RBFOX1: variants seen among roughly 807,000 people sequenced by gnomAD.
The protein encoded by RBFOX1 is RNA binding fox-1 homolog 1.
A neutral mutation model predicts 57.7 loss-of-function variants in RBFOX1; 8 were observed. The ratio of observed to expected loss-of-function variants is 0.14; its 90% CI spans 0.08 to 0.25. RBFOX1 has a LOEUF of 0.25. Among genes scored for constraint, RBFOX1 ranks in the 10% least tolerant of loss-of-function variants. The probability of loss-of-function intolerance (pLI) is 1.00; values close to 1 mark genes in which losing one functional copy is unlikely to be tolerated. For missense variants in RBFOX1, 611 were observed against 548.5 expected, an observed-to-expected ratio of 1.11 and a Z score of -1.14; for synonymous variants, 326 against 222.4, an observed-to-expected ratio of 1.47 and a Z score of -4.15.
chr16:6,840,899 A>C (rs1028341108), intron 3 of RBFOX1, among the ~76,000 whole-genome samples: 3 of 151,054 alleles, frequency 2.0e-5, no homozygotes, highest in Non-Finnish European at 2.9e-5. Flanking sequence ...AAAAAAAAAA[A>C]AAAAACGAAA....
intron 3 of RBFOX1, among the ~76,000 whole-genome samples, chr16:6,884,127 G>T (rs1603636384): frequency 1.3e-5 from 2 of 152,194 alleles, no homozygotes; most frequent in Non-Finnish European, 2.9e-5. Flanking sequence ...GGCATCTGAT[G>T]CTCGACCGAG....
At chr16:6,667,413 G>C (rs775071444) in intron 3 of RBFOX1, among the ~76,000 whole-genome samples, 2 of 152,126 alleles carry the variant, frequency 1.3e-5, no homozygotes, top group Non-Finnish European at 2.9e-5. Context: ...ATTCTAAAAG[G>C]CCTGGCTTTG....
At chr16:7,021,491 T>A (rs1378074800) in intron 3 of RBFOX1, among the ~76,000 whole-genome samples, 1 of 145,928 alleles carries the variant, frequency 6.9e-6, no homozygotes, top group Non-Finnish European at 1.5e-5. Context: ...TATTTTATAT[T>A]AATATTTTAT....
At chr16:6,829,303 T>G (rs973910866) in intron 3 of RBFOX1, among the ~76,000 whole-genome samples, 2 of 151,954 alleles carry the variant, frequency 1.3e-5, no homozygotes, top group Non-Finnish European at 2.9e-5. Flanking sequence ...TTTTAGGAAT[T>G]TAATCTACAT....
intron 3 of RBFOX1, among the ~76,000 whole-genome samples, chr16:6,816,534 G>C (rs1008110372): frequency 2.0e-5 from 3 of 151,404 alleles, no homozygotes; most frequent in Admixed American, 6.6e-5. Context: ...AGGATCAGGA[G>C]ATGAAGACCA....
intron 3 of RBFOX1, among the ~76,000 whole-genome samples, chr16:5,739,356 C>T (rs752852385): frequency 5.9e-5 from 9 of 152,172 alleles, no homozygotes; most frequent in African/African-American, 7.2e-5. Flanking sequence ...CTCAAGGCAC[C>T]GGTAATACAG....
rs1289732702 is a variant in RBFOX1, at chr16:7,689,271, TA to T, written c.995+12435del. Among the ~76,000 whole-genome samples, 9 of 152,242 alleles carry T rather than the reference TA, an allele frequency of 5.9e-5. No individual in the cohort carries two copies. In the East Asian group the frequency reaches 9.7e-4, roughly 16 times the overall value. Reference sequence around the variant, plus strand: ...CATTTCATCATTTTTCATACATTGGTAATCCTTCCTCTTCTCCACCCCCAAC... The same window carrying T: ...CATTTCATCATTTTTCATACATTGGTATCCTTCCTCTTCTCCACCCCCAAC... On this transcript the variant is annotated intron_variant, in intron 14 of 15. Coordinates refer to ENST00000550418, the MANE Select transcript of RBFOX1 (RefSeq NM_018723.4).
intron 3 of RBFOX1, among the ~76,000 whole-genome samples, chr16:6,672,426 GGAAAAAGAAAA>G (rs1444112792): frequency 7.1e-6 from 1 of 140,678 alleles, no homozygotes; most frequent in Non-Finnish European, 1.5e-5. Flanking sequence ...ATGGAAGGAA[GGAAAAAGAAAA>G]GAAAGAGAAA....
chr16:7,010,800 A>C lies in RBFOX1; in HGVS notation c.-15-41257A>C, dbSNP rs981881669. 1.4e-4 allele frequency among the ~76,000 whole-genome samples: 21 copies of C among 152,038 alleles called. 1 individual carries two copies. Among genetic ancestry groups the C allele is most frequent in the Admixed American group, 1.3e-3 (20 of 15,244 alleles). On this transcript the variant is annotated intron_variant, in intron 3 of 15. Coordinates refer to ENST00000550418, the MANE Select transcript of RBFOX1 (RefSeq NM_018723.4). ...GGCTGGTCTCAAACTCCTGGCCTCA[A>C]GTGATCTACCCATCTCTGCCTCTGC...
At chr16:7,424,319 ATGCAATCTTTTCTGAC>A (rs1239293144) in intron 4 of RBFOX1, among the ~76,000 whole-genome samples, 1 of 152,086 alleles carries the variant, frequency 6.6e-6, no homozygotes, top group Non-Finnish European at 1.5e-5. Flanking sequence ...GAGTGCAGTG[ATGCAATCTTTTCTGAC>A]TGCAACCTCT....
chr16:6,945,790 C>A lies in RBFOX1; in HGVS notation c.-15-106267C>A, dbSNP rs181227922. On this transcript the variant is annotated intron_variant, in intron 3 of 15. Transcript: ENST00000550418. ...CCTGTAATCCCAGCTACTTCGGAGG[C>A]CGAGACGGGAGAATCGCCTGAACCC... Among the ~76,000 whole-genome samples the A allele has an allele frequency of 3.9e-5, 6 of 152,242 alleles. No individual in the cohort carries two copies. The East Asian group carries it at 1.2e-3, about 29-fold the overall frequency.
At chr16:6,923,807 C>G (rs2075000754) in intron 3 of RBFOX1, among the ~76,000 whole-genome samples, 1 of 152,152 alleles carries the variant, frequency 6.6e-6, no homozygotes, top group African/African-American at 2.4e-5. Context: ...TTGCCACCTT[C>G]TAGCCATGAA....
At chr16:6,180,851 C>A (rs1235887518) in intron 1 of RBFOX1, among the ~76,000 whole-genome samples, 2 of 152,132 alleles carry the variant, frequency 1.3e-5, no homozygotes, top group Non-Finnish European at 2.9e-5. Context: ...CAGGTGTGAG[C>A]CACTGCACCT....
chr16:7,366,982 G>C (rs757342743), intron 4 of RBFOX1, among the ~76,000 whole-genome samples: 1 of 152,048 alleles, frequency 6.6e-6, no homozygotes, highest in Non-Finnish European at 1.5e-5. Flanking sequence ...TTGTCAGGTG[G>C]ACATGTTTTT....
intron 3 of RBFOX1, among the ~76,000 whole-genome samples, chr16:6,888,779 G>T (rs970184816): frequency 2.0e-5 from 3 of 152,218 alleles, no homozygotes; most frequent in African/African-American, 4.8e-5. Context: ...ATTAACCGAA[G>T]AATTTTATTT....
rs71147622 is a variant in RBFOX1, at chr16:6,895,448, GTATATATATATA to G, written c.-15-156581_-15-156570del. Among the ~76,000 whole-genome samples the G allele has an allele frequency of 1.6e-4, 9 of 54,612 alleles. 1 individual carries two copies. The highest frequency in any genetic ancestry group is 2.3e-4 in the Non-Finnish European group (7 of 29,954). The allele number at this position is 54,612 out of a possible 152,430, so 35.8% of individuals were successfully genotyped here. A position where few individuals can be genotyped will look rare whatever the true frequency, so the allele number is the denominator to read the frequency against. ...TGTGTGTGTGTGTGTGTGTGTGTGT[GTATATATATATA>G]TATATATATATATATATATATATAT... is the stretch of plus-strand genomic sequence containing the variant. On this transcript the variant is annotated intron_variant, in intron 3 of 15. Transcript: ENST00000550418.
chr16:6,464,206 G>C (rs1186673192), intron 2 of RBFOX1, among the ~76,000 whole-genome samples: 1 of 152,132 alleles, frequency 6.6e-6, no homozygotes, highest in East Asian at 1.9e-4. Context: ...ACTTGAATTG[G>C]CAAAGATTAA....
At chr16:5,502,862 A>G (rs1344163248) in intron 2 of RBFOX1, among the ~76,000 whole-genome samples, 3 of 152,200 alleles carry the variant, frequency 2.0e-5, no homozygotes, top group Non-Finnish European at 4.4e-5. Flanking sequence ...GGGAGACCAG[A>G]GCACAGGAGC....
At chr16:5,765,298 C>T (rs9937971) in intron 3 of RBFOX1, among the ~76,000 whole-genome samples, 66,177 of 151,974 alleles carry the variant, frequency 0.44, 14,848 homozygotes, top group East Asian at 0.61. Flanking sequence ...TAAGACAACA[C>T]TGTGGTTTAT....
Sources: gnomAD v4.1 joint callset for allele counts (sites outside exome capture counted in the v4.1 genomes callset) on GRCh38, gnomAD v4.1.1 for gene constraint, MANE v1.5 for transcripts, NCBI Gene and HGNC (gene_info 2026-07-23, HGNC 2026-07-21) for gene names.